The following ADAMTS17 variants were observed in gnomAD, a reference collection of about 807,000 sequenced individuals.
ADAMTS17 encodes A disintegrin and metalloproteinase with thrombospondin motifs 17.
ADAMTS17 carries 113 observed loss-of-function variants against 141.5 expected under a neutral mutation model. The observed-to-expected ratio is 0.80, with a 90% CI of 0.69 to 0.93. The LOEUF is 0.93. Ranked by LOEUF, ADAMTS17 falls within the 40% of genes least tolerant of loss-of-function variation. ADAMTS17 has a pLI of 0.00. For synonymous variants in ADAMTS17, 768 were observed against 630.6 expected, an observed-to-expected ratio of 1.22 and a Z score of -3.27; for missense variants, 1,659 against 1,517.9, an observed-to-expected ratio of 1.09 and a Z score of -1.54.
chr15:100,133,749 T>C (rs908054155), intron 10 of ADAMTS17, among the ~76,000 whole-genome samples: 1 of 152,152 alleles, frequency 6.6e-6, no homozygotes, highest in Non-Finnish European at 1.5e-5. Context: ...GAGGCAACTC[T>C]GAAGTCAAGG....
chr15:100,219,565 C>G (rs2042069378), intron 7 of ADAMTS17, among the ~76,000 whole-genome samples: 2 of 152,180 alleles, frequency 1.3e-5, no homozygotes, highest in East Asian at 3.9e-4. Flanking sequence ...TCTTCTATCT[C>G]AAACCCAGTG....
At chr15:100,333,538 T>C (rs571337426) in intron 2 of ADAMTS17, among the ~76,000 whole-genome samples, 4 of 152,298 alleles carry the variant, frequency 2.6e-5, no homozygotes, top group African/African-American at 9.6e-5. Context: ...CGTCCTAGCT[T>C]TTCACTGGGT....
At chr15:100,010,708 C>G (rs2061148504) in intron 18 of ADAMTS17, among the ~76,000 whole-genome samples, 1 of 152,210 alleles carries the variant, frequency 6.6e-6, no homozygotes, top group Admixed American at 6.5e-5. Flanking sequence ...CATGCATAGT[C>G]CTGAAGACCT....
At chr15:100,076,870 T>C (rs962592924) in intron 15 of ADAMTS17, among the ~76,000 whole-genome samples, 3 of 152,192 alleles carry the variant, frequency 2.0e-5, no homozygotes, top group African/African-American at 7.2e-5. Context: ...ATACTACATT[T>C]GCAATTTTTA....
chr15:100,065,689 A>G (rs1339954692), intron 15 of ADAMTS17, among the ~76,000 whole-genome samples: 1 of 152,176 alleles, frequency 6.6e-6, no homozygotes, highest in African/African-American at 2.4e-5. Flanking sequence ...TCATTAATCT[A>G]TCAGGTTAGG....
In ADAMTS17 at chr15:100,109,130, G is replaced by T. The variant is rs374520210; in HGVS notation, c.1889-14C>A. ...CACATGGCTTATCTGAGGAGGGAAA[G>T]GTTGGAGGACGTTGACACGGGAAGG... On this transcript the variant is annotated splice_polypyrimidine_tract_variant and intron_variant, in intron 13 of 21. Coordinates refer to ENST00000268070, the MANE Select transcript of ADAMTS17 (RefSeq NM_139057.4). 1.2e-6 allele frequency: 2 copies of T among 1,604,582 alleles called. No homozygotes were observed. The highest frequency in any genetic ancestry group is 2.3e-5 in the East Asian group (1 of 44,328).
intron 20 of ADAMTS17, among the ~76,000 whole-genome samples, chr15:99,990,068 C>A (rs1338074735): frequency 1.3e-5 from 2 of 152,186 alleles, no homozygotes; most frequent in Non-Finnish European, 2.9e-5. Context: ...TTTCTTTTCG[C>A]TCTCTTGACT....
intron 10 of ADAMTS17, among the ~76,000 whole-genome samples, chr15:100,148,400 T>A (rs2039008593): frequency 6.6e-6 from 1 of 152,216 alleles, no homozygotes; most frequent in Admixed American, 6.5e-5. Context: ...AAGATTTCCT[T>A]TAATATTTCT....
chr15:99,996,157 C>G (rs2060798004), intron 19 of ADAMTS17, among the ~76,000 whole-genome samples: 1 of 151,742 alleles, frequency 6.6e-6, no homozygotes, highest in African/African-American at 2.4e-5. Context: ...CAGGTTCAAG[C>G]AATTCTCCTG....
chr15:100,317,924 G>C (rs948367101), intron 3 of ADAMTS17, among the ~76,000 whole-genome samples: 6 of 152,162 alleles, frequency 3.9e-5, no homozygotes, highest in African/African-American at 1.4e-4. Flanking sequence ...CAAGGCTGAA[G>C]CGGCCAAGAG....
At chr15:100,246,108 G>A (rs951314299) in intron 7 of ADAMTS17, among the ~76,000 whole-genome samples, 1 of 152,086 alleles carries the variant, frequency 6.6e-6, no homozygotes, top group Non-Finnish European at 1.5e-5. Context: ...GCTCTCCAAC[G>A]ATCAGACACA....
intron 18 of ADAMTS17, among the ~76,000 whole-genome samples, chr15:99,998,295 G>C (rs2060846653): frequency 6.6e-6 from 1 of 152,198 alleles, no homozygotes; most frequent in Admixed American, 6.5e-5. Flanking sequence ...GTTGGCGTCT[G>C]AAAGTGTTCT....
intron 7 of ADAMTS17, among the ~76,000 whole-genome samples, chr15:100,206,857 T>C (rs1308457260): frequency 2.0e-5 from 3 of 152,164 alleles, no homozygotes; most frequent in Non-Finnish European, 4.4e-5. Flanking sequence ...GTGCCTAGAA[T>C]CCTGATCTTT....
chr15:100,323,959 C>A (rs34978529), intron 3 of ADAMTS17, among the ~76,000 whole-genome samples: 5 of 150,630 alleles, frequency 3.3e-5, no homozygotes, highest in African/African-American at 1.2e-4. Flanking sequence ...GGGAATAAGC[C>A]AGAGCCATGA....
chr15:100,285,139 T>C (rs1197791576), intron 3 of ADAMTS17, among the ~76,000 whole-genome samples: 1 of 152,184 alleles, frequency 6.6e-6, no homozygotes, highest in Non-Finnish European at 1.5e-5. Context: ...CTTCATACTA[T>C]TTTTCTTACA....
intron 15 of ADAMTS17, among the ~76,000 whole-genome samples, chr15:100,087,638 C>T (rs1045311761): frequency 6.6e-6 from 1 of 152,150 alleles, no homozygotes; most frequent in Non-Finnish European, 1.5e-5. Flanking sequence ...AGCTTATGCA[C>T]CATGATCAAG....
chr15:100,234,185 C>G (rs1194371906), intron 7 of ADAMTS17, among the ~76,000 whole-genome samples: 1 of 152,168 alleles, frequency 6.6e-6, no homozygotes, highest in East Asian at 1.9e-4. Flanking sequence ...AGTGGACAGG[C>G]ATTGCAGATG....
chr15:100,283,544 C>G (rs4965626), intron 3 of ADAMTS17, among the ~76,000 whole-genome samples: 32,983 of 152,202 alleles, frequency 0.22, 4,810 homozygotes, highest in African/African-American at 0.41. Flanking sequence ...TGGCAGCCGC[C>G]GCCCTTCTCA....
intron 7 of ADAMTS17, among the ~76,000 whole-genome samples, chr15:100,203,126 C>G (rs2041400324): frequency 6.6e-6 from 1 of 152,212 alleles, no homozygotes; most frequent in African/African-American, 2.4e-5. Flanking sequence ...GCAGGCATGA[C>G]TGGTCCCATT....
Sources: gnomAD v4.1 joint callset for allele counts (sites outside exome capture counted in the v4.1 genomes callset) on GRCh38, gnomAD v4.1.1 for gene constraint, MANE v1.5 for transcripts, NCBI Gene and HGNC (gene_info 2026-07-23, HGNC 2026-07-21) for gene names.